Variants in SLC22A24 observed in about 807,000 individuals in gnomAD.
SLC22A24 encodes the protein steroid transmembrane transporter SLC22A24.
In SLC22A24, 53 loss-of-function variants were observed where a neutral mutation model predicts 49.8. That is an observed-to-expected ratio of 1.06 (90% CI 0.85 to 1.34). The LOEUF (loss-of-function observed/expected upper bound fraction) is 1.34. Among genes scored for constraint, SLC22A24 ranks in the 40% most tolerant of loss-of-function variants. SLC22A24 has a pLI of 0.00. For synonymous variants in SLC22A24, 302 were observed against 256.4 expected, an observed-to-expected ratio of 1.18 and a Z score of -1.70; for missense variants, 786 against 675.9, an observed-to-expected ratio of 1.16 and a Z score of -1.81.
At chr11:63,114,155 T>C (rs2087195891) in intron 4 of SLC22A24, among the ~76,000 whole-genome samples, 1 of 152,150 alleles carries the variant, frequency 6.6e-6, no homozygotes, top group Non-Finnish European at 1.5e-5. Context: ...TCCTGAAGAG[T>C]GTTTTTCCAA....
intron 4 of SLC22A24, among the ~76,000 whole-genome samples, chr11:63,106,202 G>C (rs972529323): frequency 6.6e-6 from 1 of 151,072 alleles, no homozygotes; most frequent in African/African-American, 2.4e-5. Flanking sequence ...TTGTCCTTGC[G>C]ATAGTTTGCT....
intron 6 of SLC22A24, among the ~76,000 whole-genome samples, chr11:63,086,671 C>T (rs2086988413): frequency 6.6e-6 from 1 of 152,094 alleles, no homozygotes; most frequent in Admixed American, 6.5e-5. Context: ...TATTTGGAAA[C>T]TAAGCACAAC....
In SLC22A24 at chr11:63,136,595, C is replaced by T. The variant is rs146695166; in HGVS notation, c.403-1827G>A. ...GCTGATTTGAGTAATAATAAAACTC[C>T]GGTCTCCTGCACAGCTGGCTCTGCA... On this transcript the variant is annotated intron_variant, in intron 1 of 9. Coordinates refer to ENST00000612278, the MANE Select transcript of SLC22A24 (RefSeq NM_001136506.2). Among the ~76,000 whole-genome samples, 180 of 152,332 alleles carry T rather than the reference C, an allele frequency of 1.2e-3. 1 individual carries two copies. The highest frequency in any genetic ancestry group is 4.1e-3 in the African/African-American group (172 of 41,572).
At chr11:63,106,632 T>G (rs1035657775) in intron 4 of SLC22A24, among the ~76,000 whole-genome samples, 7 of 152,192 alleles carry the variant, frequency 4.6e-5, no homozygotes, top group African/African-American at 4.8e-5. Context: ...TAACTGGTGT[T>G]AGATGGTATC....
intron 6 of SLC22A24, among the ~76,000 whole-genome samples, chr11:63,091,286 C>A (rs958461303): frequency 2.6e-5 from 4 of 152,068 alleles, no homozygotes; most frequent in Non-Finnish European, 5.9e-5. Flanking sequence ...CAAAAAAGGG[C>A]AAGGACCAGA....
At position 63,143,817 on chromosome 11, in the gene SLC22A24, G is replaced by A. The variant is rs369789843; in HGVS notation, c.-38C>T. 16 of 1,324,948 alleles carry A rather than the reference G, an allele frequency of 1.2e-5. No individual in the cohort carries two copies. The East Asian group carries it at 4.2e-4, about 35-fold the overall frequency. 82.1% of individuals were successfully genotyped at this position (1,324,948 alleles called of 1,614,324 possible). ...GGTGATCCCCAAGAGGAAGCACAAT[G>A]ACTTTATGAAGAGAAGTTCAGAGGG... On this transcript the variant is annotated 5_prime_UTR_variant, in exon 1 of 10. Transcript: ENST00000612278.
intron 4 of SLC22A24, among the ~76,000 whole-genome samples, chr11:63,111,092 A>G (rs891802303): frequency 1.3e-5 from 2 of 152,022 alleles, no homozygotes; most frequent in African/African-American, 4.8e-5. Context: ...CCTTTTCTGC[A>G]TCTATTGAGA....
chr11:63,126,956 G>C (rs2087295629), intron 2 of SLC22A24, among the ~76,000 whole-genome samples: 1 of 152,066 alleles, frequency 6.6e-6, no homozygotes, highest in South Asian at 2.1e-4. Context: ...CAGTTTGTCT[G>C]TTATTGGTGT....
chr11:63,081,371 T>G (rs976577379), intron 8 of SLC22A24, among the ~76,000 whole-genome samples, 187 bp downstream of exon 8: 1 of 152,192 alleles, frequency 6.6e-6, no homozygotes, highest in Non-Finnish European at 1.5e-5. Context: ...TTAATTAACC[T>G]GTAGCAATAA....
intron 1 of SLC22A24, among the ~76,000 whole-genome samples, chr11:63,137,162 G>T (rs1162599206): frequency 6.6e-6 from 1 of 152,108 alleles, no homozygotes; most frequent in Non-Finnish European, 1.5e-5. Context: ...GTCTCGGTTG[G>T]TTCTTTCTAA....
At chr11:63,135,628 A>C (rs2087368513) in intron 1 of SLC22A24, among the ~76,000 whole-genome samples, 1 of 152,202 alleles carries the variant, frequency 6.6e-6, no homozygotes, top group Non-Finnish European at 1.5e-5. Context: ...ATTGCAATGG[A>C]CATTTCTCGC....
At chr11:63,098,711 C>A (rs1269021161) in intron 5 of SLC22A24, among the ~76,000 whole-genome samples, 1 of 151,874 alleles carries the variant, frequency 6.6e-6, no homozygotes, top group Non-Finnish European at 1.5e-5. Context: ...ACTAAACAAT[C>A]TAATGATGTG....
intron 1 of SLC22A24, among the ~76,000 whole-genome samples, chr11:63,138,362 C>A (rs958876837): frequency 6.6e-6 from 1 of 152,014 alleles, no homozygotes; most frequent in South Asian, 2.1e-4. Context: ...CTTCTGAGGC[C>A]GGGTACGTGG....
chr11:63,115,287 C>T (rs2087203853), intron 4 of SLC22A24, among the ~76,000 whole-genome samples: 1 of 152,208 alleles, frequency 6.6e-6, no homozygotes, highest in Non-Finnish European at 1.5e-5. Flanking sequence ...ACCCCTCCCC[C>T]CATGAGGCTA....
intron 5 of SLC22A24, 47 bp from the exon 6 acceptor site, chr11:63,096,153 G>GCT: frequency 8.1e-7 from 1 of 1,236,720 alleles, no homozygotes; most frequent in Non-Finnish European, 1.2e-6. Context: ...TGTCAATAAT[G>GCT]TGTCAGGCAT....
intron 2 of SLC22A24, among the ~76,000 whole-genome samples, chr11:63,119,980 C>T (rs1308108422): frequency 6.6e-6 from 1 of 151,476 alleles, no homozygotes; most frequent in Non-Finnish European, 1.5e-5. Context: ...TTGTTTTTTT[C>T]TTGTAAATGT....
rs1168244043 is a variant in SLC22A24, at chr11:63,081,605, G to A, written c.1347C>T (p.Ser449=). ...CGTTGTGGTGGACAGAAGCACTGTT[G>A]CTAGCAGCAGAAACACTACCAATTC... is the stretch of plus-strand genomic sequence containing the variant. ...TLGIGSVSAA[S]NSASVHHNEL... The change falls in exon 8 of 10, where the codon AGC becomes AGT. Residue 449 remains serine (S), a synonymous_variant. Transcript: ENST00000612278. The A allele has an allele frequency of 2.6e-6, 4 of 1,551,488 alleles. No individual in the cohort carries two copies. Among genetic ancestry groups the A allele is most frequent in the Non-Finnish European group, 3.5e-6 (4 of 1,146,916 alleles).
chr11:63,113,167 C>CATAT (rs377461366), intron 4 of SLC22A24, among the ~76,000 whole-genome samples: 46 of 2,192 alleles, frequency 0.021, 20 homozygotes, highest in Admixed American at 0.075. Flanking sequence ...TATATATACA[C>CATAT]ATATATATAC....
At chr11:63,107,303 G>A (rs1590736697) in intron 4 of SLC22A24, among the ~76,000 whole-genome samples, 1 of 152,020 alleles carries the variant, frequency 6.6e-6, no homozygotes, top group East Asian at 1.9e-4. Flanking sequence ...CTCTGTTTTG[G>A]TACCAGTACC....
Sources: gnomAD v4.1 joint callset for allele counts (sites outside exome capture counted in the v4.1 genomes callset) on GRCh38, gnomAD v4.1.1 for gene constraint, MANE v1.5 for transcripts, NCBI Gene and HGNC (gene_info 2026-07-23, HGNC 2026-07-21) for gene names.